KIRREL3: variants seen among roughly 807,000 people sequenced by gnomAD.
KIRREL3 encodes the protein kin of IRRE-like protein 3.
KIRREL3 carries 36 observed loss-of-function variants against 89.7 expected under a neutral mutation model. The observed-to-expected ratio is 0.40, with a 90% confidence interval of 0.31 to 0.53. The LOEUF is 0.53. Among genes scored for constraint, KIRREL3 ranks in the 20% least tolerant of loss-of-function variants. The pLI is 0.49. For synonymous variants in KIRREL3, 445 were observed against 441.4 expected (o/e 1.01, Z -0.10); for missense variants, 864 against 1,056.6 (o/e 0.82, Z 2.53).
chr11:126,518,808 G>T (rs565892877), intron 4 of KIRREL3, among the ~76,000 whole-genome samples: 4 of 152,246 alleles, frequency 2.6e-5, no homozygotes, highest in Admixed American at 6.5e-5. Context: ...AGAGCAGTAG[G>T]TGGGGTGCTA....
intron 1 of KIRREL3, among the ~76,000 whole-genome samples, chr11:126,857,756 C>T (rs558019665): frequency 1.4e-4 from 14 of 101,360 alleles, no homozygotes; most frequent in Non-Finnish European, 2.4e-4. Context: ...TCAGCCAATG[C>T]GTGTGGGAGA....
At chr11:126,779,433 G>T (rs1950261301) in intron 1 of KIRREL3, among the ~76,000 whole-genome samples, 1 of 152,046 alleles carries the variant, frequency 6.6e-6, no homozygotes, top group Admixed American at 6.5e-5. Flanking sequence ...TGCCTCCTGG[G>T]AAACAATTCC....
rs1950309637 is a variant in KIRREL3 at position 126,780,991 on chromosome 11, C to A, written c.56-218079G>T. On this transcript the variant is annotated intron_variant, in intron 1 of 16. Transcript: ENST00000525144. The surrounding 1 kb of genome is among the most constrained non-coding windows in gnomAD (Gnocchi z 5.3). ...TTTTCTCCCTGGATACAGCTAGCAG[C>A]TGCAAGAGCTCCCAGGCCTCTGGGC... Among the ~76,000 whole-genome samples the A allele has an allele frequency of 6.6e-6, 1 of 152,180 alleles. No homozygotes were observed. The highest frequency in any genetic ancestry group is 2.4e-5 in the African/African-American group (1 of 41,442).
At position 126,689,963 on chromosome 11, in the gene KIRREL3, C is replaced by G. The variant is rs893874837; in HGVS notation, c.56-127051G>C. ...GTGAGAGTTGATGCTTCTTTTAGACCCTATTTGTCTCCCGGCCTCACACTG... is the reference window on the plus strand; with the variant it reads ...GTGAGAGTTGATGCTTCTTTTAGACGCTATTTGTCTCCCGGCCTCACACTG... On this transcript the variant is annotated intron_variant, in intron 1 of 16. Coordinates refer to ENST00000525144, the MANE Select transcript of KIRREL3 (RefSeq NM_032531.4). This position sits in a 1 kb window ranked among gnomAD's most constrained non-coding sequence, Gnocchi z 5.2. 6.6e-6 allele frequency among the ~76,000 whole-genome samples: 1 copy of G among 152,072 alleles called. No homozygotes were observed. Among genetic ancestry groups the G allele is most frequent in the African/African-American group, 2.4e-5 (1 of 41,390 alleles).
rs1289218804 is a variant in KIRREL3 at position 126,818,815 on chromosome 11, T to TGAA, written c.55+181639_55+181640insTTC. 0.023 allele frequency among the ~76,000 whole-genome samples: 86 copies of TGAA among 3,766 alleles called. No homozygotes were observed. The African/African-American group carries it at 0.25, about 11-fold the overall frequency. The allele number at this position is 3,766 out of a possible 152,430, so 2.5% of individuals were successfully genotyped here. On this transcript the variant is annotated intron_variant, in intron 1 of 16. Coordinates refer to ENST00000525144, the MANE Select transcript of KIRREL3 (RefSeq NM_032531.4). ...TAATTGTTGATTTCAGGTCAGCCTC[T>TGAA]ACTCTACCTGCAGCTTGGTCTCTGG...
chr11:126,950,929 C>T (rs547151658), intron 1 of KIRREL3, among the ~76,000 whole-genome samples: 3 of 152,342 alleles, frequency 2.0e-5, no homozygotes, highest in South Asian at 4.1e-4. Flanking sequence ...ATTATTTCTG[C>T]CCCAAGAGGG....
chr11:126,451,665 AGTGTGTGCATATGTGCGT>A (rs1456729011), intron 7 of KIRREL3, among the ~76,000 whole-genome samples: 4 of 136,026 alleles, frequency 2.9e-5, no homozygotes, highest in Middle Eastern at 4.9e-3. Flanking sequence ...TGCATGTGTG[AGTGTGTGCATATGTGCGT>A]GTGTGTGCAC....
At chr11:126,698,254 T>C (rs1402675615) in intron 1 of KIRREL3, among the ~76,000 whole-genome samples, 4 of 152,212 alleles carry the variant, frequency 2.6e-5, no homozygotes, top group African/African-American at 9.6e-5. Flanking sequence ...CACGTTCTCA[T>C]GCTCACGGAG....
chr11:126,946,518 G>T lies in KIRREL3; in HGVS notation c.55+53937C>A, dbSNP rs1226463067. Among the ~76,000 whole-genome samples the T allele has an allele frequency of 6.6e-6, 1 of 152,170 alleles. No homozygotes were observed. Among genetic ancestry groups the T allele is most frequent in the East Asian group, 1.9e-4 (1 of 5,196 alleles). Reference sequence around the variant, plus strand: ...CAGACTAGACTAGATGTTAAGTAAGGTGACTTTCCACTCTAAAACTCTATA... The same window carrying T: ...CAGACTAGACTAGATGTTAAGTAAGTTGACTTTCCACTCTAAAACTCTATA... On this transcript the variant is annotated intron_variant, in intron 1 of 16. Transcript: ENST00000525144. The surrounding 1 kb of genome is among the most constrained non-coding windows in gnomAD (Gnocchi z 4.1).
In KIRREL3 at chr11:126,709,340, G is replaced by A. The variant is rs949263630; in HGVS notation, c.56-146428C>T. Among the ~76,000 whole-genome samples, 10 of 152,090 alleles carry A rather than the reference G, an allele frequency of 6.6e-5. No individual in the cohort carries two copies. The highest frequency in any genetic ancestry group is 4.6e-4 in the Admixed American group (7 of 15,282). On this transcript the variant is annotated intron_variant, in intron 1 of 16. Transcript: ENST00000525144. This position sits in a 1 kb window ranked among gnomAD's most constrained non-coding sequence, Gnocchi z 4.0. Reference sequence around the variant, plus strand: ...TTCCAATCAGTCCTATCTCTTCCCCGGGAGTAGGGGTGGAGGGGCAGCACC... The same window carrying A: ...TTCCAATCAGTCCTATCTCTTCCCCAGGAGTAGGGGTGGAGGGGCAGCACC...
At position 126,872,575 on chromosome 11, in the gene KIRREL3, T is replaced by A. The variant is rs906861493; in HGVS notation, c.55+127880A>T. Among the ~76,000 whole-genome samples, 1 of 152,218 alleles carries A rather than the reference T, an allele frequency of 6.6e-6. No individual in the cohort carries two copies. The highest frequency in any genetic ancestry group is 1.5e-5 in the Non-Finnish European group (1 of 68,036). Reference sequence around the variant, plus strand: ...AATTTGGGGGCTCACTTCACCTGCATCATTTACATCAAACAGCCCCTCTAA... The same window carrying A: ...AATTTGGGGGCTCACTTCACCTGCAACATTTACATCAAACAGCCCCTCTAA... On this transcript the variant is annotated intron_variant, in intron 1 of 16. Coordinates refer to ENST00000525144, the MANE Select transcript of KIRREL3 (RefSeq NM_032531.4). The surrounding 1 kb of genome is among the most constrained non-coding windows in gnomAD (Gnocchi z 4.2).
intron 1 of KIRREL3, among the ~76,000 whole-genome samples, chr11:126,822,921 G>A (rs1380025254): frequency 6.6e-6 from 1 of 152,124 alleles, no homozygotes; most frequent in African/African-American, 2.4e-5. Flanking sequence ...TATACTATAG[G>A]TCAAAGCAGT....
chr11:126,937,435 G>A (rs1270743198), intron 1 of KIRREL3, among the ~76,000 whole-genome samples: 15 of 152,162 alleles, frequency 9.9e-5, no homozygotes, highest in African/African-American at 1.9e-4. Flanking sequence ...TGTGGCAGGC[G>A]CTCTTGGTTG....
intron 1 of KIRREL3, chr11:126,935,910 T>C (rs1278806916): frequency 6.6e-6 from 1 of 152,168 alleles, no homozygotes; most frequent in East Asian, 1.9e-4. Flanking sequence ...TGGAGGTCCA[T>C]CAGTTGTAAC....
intron 1 of KIRREL3, among the ~76,000 whole-genome samples, chr11:126,967,419 C>G (rs1235659217): frequency 6.6e-6 from 1 of 152,116 alleles, no homozygotes; most frequent in African/African-American, 2.4e-5. Context: ...GGAAGATCTG[C>G]CTTCTGGCCT....
chr11:126,916,624 A>G (rs1357645121), intron 1 of KIRREL3, among the ~76,000 whole-genome samples: 1 of 152,240 alleles, frequency 6.6e-6, no homozygotes, highest in African/African-American at 2.4e-5. Context: ...AGTCTTTGCT[A>G]TCCCTTAAAA....
chr11:126,429,308 G>A lies in KIRREL3; in HGVS notation c.1697-20C>T. On this transcript the variant is annotated intron_variant, in intron 14 of 16. Transcript: ENST00000525144. This position sits in a 1 kb window ranked among gnomAD's most constrained non-coding sequence, Gnocchi z 5.2. ...TGAGATCTGGAGATAAAATAGTAAA[G>A]TGTAGATGATAGATTTAGTTCTTAC... The A allele has an allele frequency of 1.3e-6, 2 of 1,538,048 alleles. No homozygotes were observed. Among genetic ancestry groups the A allele is most frequent in the Non-Finnish European group, 1.8e-6 (2 of 1,111,008 alleles).
intron 6 of KIRREL3, among the ~76,000 whole-genome samples, chr11:126,457,987 C>T (rs1241287472): frequency 6.6e-6 from 1 of 152,188 alleles, no homozygotes; most frequent in Non-Finnish European, 1.5e-5. Context: ...GCTGGTGTCA[C>T]CCCTGCTGCT....
chr11:126,784,062 T>C (rs1950408479), intron 1 of KIRREL3, among the ~76,000 whole-genome samples: 2 of 152,078 alleles, frequency 1.3e-5, no homozygotes, highest in African/African-American at 2.4e-5. Flanking sequence ...CTCCCCAAAA[T>C]TGTGAAGGTC....
Sources: allele counts gnomAD v4.1 joint callset (sites outside exome capture counted in the v4.1 genomes callset), GRCh38; gene constraint gnomAD v4.1.1; non-coding constraint Gnocchi (gnomAD v3.1); transcripts MANE v1.5; gene names NCBI Gene and HGNC (gene_info 2026-07-23, HGNC 2026-07-21).